Variants in ZSCAN5A observed in about 807,000 individuals in gnomAD.
ZSCAN5A encodes the protein zinc finger and SCAN domain containing 5A, also known as zinc finger and SCAN domain-containing protein 5A.
In ZSCAN5A, 12 loss-of-function variants were observed where a neutral mutation model predicts 23.7. That is an observed-to-expected ratio of 0.51 (90% confidence interval 0.32 to 0.82). ZSCAN5A has a LOEUF of 0.82. ZSCAN5A is among the 40% of genes least tolerant of loss of function. ZSCAN5A has a pLI of 0.03. For synonymous variants in ZSCAN5A, 257 were observed against 239.9 expected (o/e 1.07, Z -0.66); for missense variants, 597 against 617.9 (o/e 0.97, Z 0.36).
intron 2 of ZSCAN5A, chr19:56,284,302 T>C: frequency 2.9e-6 from 1 of 346,790 alleles, no homozygotes; most frequent in Non-Finnish European, 4.1e-6. Context: ...TTAGATTGTG[T>C]GTATTCATTG....
At chr19:56,360,179 C>A (rs1456732091) in intron 2 of ZSCAN5A, among the ~76,000 whole-genome samples, 1 of 152,136 alleles carries the variant, frequency 6.6e-6, no homozygotes, top group Non-Finnish European at 1.5e-5. Flanking sequence ...AAAACCCCAT[C>A]AACTCAGCCC....
In ZSCAN5A at chr19:56,229,848, T is replaced by C. The variant is rs1003096189; in HGVS notation, c.-127-4675A>G. On this transcript the variant is annotated intron_variant, in intron 2 of 5. Transcript: ENST00000683990. ...ACCAGGTTTTTAGGGGTTCTTTTGC[T>C]ATTGTAAATGGGATTGCTTTCTTGG... Among the ~76,000 whole-genome samples the C allele has an allele frequency of 4.3e-4, 65 of 152,208 alleles. 2 individuals carry two copies. The highest frequency in any genetic ancestry group is 5.9e-5 in the Non-Finnish European group (4 of 68,036).
chr19:56,320,992 C>G (rs2041369520), intron 2 of ZSCAN5A: 1 of 713,114 alleles, frequency 1.4e-6, no homozygotes, highest in African/African-American at 1.7e-5. Flanking sequence ...CGCCACAGAC[C>G]GGTAAGTTGT....
intron 2 of ZSCAN5A, among the ~76,000 whole-genome samples, chr19:56,237,951 A>C (rs2035063869): frequency 1.3e-5 from 2 of 150,348 alleles, no homozygotes; most frequent in African/African-American, 2.5e-5. Flanking sequence ...GATAGATCAT[A>C]AGTGTTTCAC....
At chr19:56,321,944 T>C in intron 2 of ZSCAN5A, 1 of 780,960 alleles carries the variant, frequency 1.3e-6, no homozygotes, top group Non-Finnish European at 2.4e-6. Flanking sequence ...CATGGCCTTC[T>C]GAAGATATCT....
At chr19:56,274,314 C>T (rs1303805077) in intron 2 of ZSCAN5A, among the ~76,000 whole-genome samples, 9 of 151,932 alleles carry the variant, frequency 5.9e-5, no homozygotes, top group Non-Finnish European at 1.0e-4. Context: ...ATTATCCAGG[C>T]ATGGTAGTAG....
At chr19:56,324,012 T>C (rs2041409304) in intron 2 of ZSCAN5A, among the ~76,000 whole-genome samples, 1 of 152,154 alleles carries the variant, frequency 6.6e-6, no homozygotes, top group Admixed American at 6.5e-5. Context: ...CCAGCAACTT[T>C]AAATCATACA....
intron 1 of ZSCAN5A, among the ~76,000 whole-genome samples, chr19:56,365,377 G>A (rs2041757981): frequency 6.6e-6 from 1 of 152,154 alleles, no homozygotes; most frequent in South Asian, 2.1e-4. Context: ...GGTTTTCTGG[G>A]TTGGCAGGAA....
chr19:56,320,017 A>G (rs2147421704), intron 2 of ZSCAN5A: 1 of 855,488 alleles, frequency 1.2e-6, no homozygotes, highest in East Asian at 2.4e-5. Flanking sequence ...CACATGGAAC[A>G]TCAACAATGG....
chr19:56,356,550 T>G (rs567213750), intron 2 of ZSCAN5A, among the ~76,000 whole-genome samples: 1 of 147,976 alleles, frequency 6.8e-6, no homozygotes, highest in Non-Finnish European at 1.5e-5. Flanking sequence ...TAACTTCTAC[T>G]ACGGGGTGGG....
chr19:56,274,063 C>G (rs1201084586), intron 2 of ZSCAN5A, among the ~76,000 whole-genome samples: 1 of 152,122 alleles, frequency 6.6e-6, no homozygotes, highest in Non-Finnish European at 1.5e-5. Flanking sequence ...GGGTCAGATG[C>G]TGGTGGTTGG....
chr19:56,308,267 T>C (rs35533663), intron 2 of ZSCAN5A, among the ~76,000 whole-genome samples: 14,558 of 151,418 alleles, frequency 0.096, 739 homozygotes, highest in Middle Eastern at 0.13. Flanking sequence ...CTCTTGACCT[T>C]GTGATCCGCC....
chr19:56,246,026 G>T (rs550114152), intron 2 of ZSCAN5A, among the ~76,000 whole-genome samples: 4 of 152,244 alleles, frequency 2.6e-5, no homozygotes, highest in East Asian at 1.9e-4. Context: ...CAGTGTCAGG[G>T]GCAGGGAGAC....
intron 2 of ZSCAN5A, among the ~76,000 whole-genome samples, chr19:56,247,939 C>G (rs988583096): frequency 3.3e-5 from 5 of 152,206 alleles, no homozygotes; most frequent in Admixed American, 2.6e-4. Context: ...ATCCGCCCGC[C>G]TCACCCTCCC....
rs150684613 is a variant in ZSCAN5A at position 56,302,025 on chromosome 19, C to T, written c.-128+11258G>A. ...AAACCACTCCCCAAGAGGAAGAACA[C>T]GTGGAACTTCCTGAAATGCGCCTAC... On this transcript the variant is annotated intron_variant, in intron 2 of 5. Transcript: ENST00000683990. 1.7e-3 allele frequency: 2,127 copies of T among 1,231,944 alleles called. 5 individuals carry two copies. The highest frequency in any genetic ancestry group is 6.9e-3 in the Middle Eastern group (22 of 3,210). 76.3% of individuals were successfully genotyped at this position (1,231,944 alleles called of 1,614,324 possible). A position where few individuals can be genotyped will look rare whatever the true frequency, so the allele number is the denominator to read the frequency against.
intron 4 of ZSCAN5A, among the ~76,000 whole-genome samples, chr19:56,223,037 C>T (rs573808620): frequency 1.3e-5 from 2 of 152,280 alleles, no homozygotes; most frequent in South Asian, 2.1e-4. Context: ...CTGCACCTGA[C>T]ACTGGAAGGA....
intron 2 of ZSCAN5A, among the ~76,000 whole-genome samples, chr19:56,279,365 T>C (rs765991047): frequency 2.0e-5 from 3 of 152,172 alleles, no homozygotes; most frequent in Non-Finnish European, 4.4e-5. Context: ...TTTATTCCTA[T>C]AGCCTAGCAA....
At chr19:56,364,420 A>T (rs1230519928) in intron 1 of ZSCAN5A, among the ~76,000 whole-genome samples, 1 of 152,258 alleles carries the variant, frequency 6.6e-6, no homozygotes, top group Non-Finnish European at 1.5e-5. Context: ...ACTACTACAG[A>T]CACATCAGAA....
At chr19:56,246,714 G>A in intron 2 of ZSCAN5A, 1 of 1,168,836 alleles carries the variant, frequency 8.6e-7, no homozygotes, top group East Asian at 2.3e-5. Flanking sequence ...TGTTGTGTGT[G>A]GAATCCCTTC....
Sources: allele counts gnomAD v4.1 joint callset (sites outside exome capture counted in the v4.1 genomes callset), GRCh38; gene constraint gnomAD v4.1.1; transcripts MANE v1.5; gene names NCBI Gene and HGNC (gene_info 2026-07-23, HGNC 2026-07-21).